The following BRWD3 variants were observed in gnomAD, a reference collection of about 807,000 sequenced individuals.
BRWD3 encodes bromodomain and WD repeat-containing protein 3.
BRWD3 carries 10 observed loss-of-function variants against 149.7 expected under a neutral mutation model. That is an observed-to-expected ratio of 0.07 (90% CI 0.04 to 0.11). The LOEUF is 0.11. BRWD3 is among the 10% of genes least tolerant of loss of function. The pLI is 1.00. For missense variants in BRWD3, 940 were observed against 1,373.2 expected (o/e 0.68, Z 4.99); for synonymous variants, 504 against 456.7 (o/e 1.10, Z -1.32).
intron 36 of BRWD3, among the ~76,000 whole-genome samples, 153 bp from the exon 37 acceptor site, chrX:80,684,315 G>T (rs992513942): frequency 1.8e-5 from 2 of 111,464 alleles, no homozygotes; most frequent in Non-Finnish European, 1.9e-5. Context: ...AACATCTTTT[G>T]GTGGCTCATA....
intron 4 of BRWD3, among the ~76,000 whole-genome samples, chrX:80,801,854 T>C (rs1345861585): frequency 9.2e-6 from 1 of 109,229 alleles, no homozygotes; most frequent in Non-Finnish European, 1.9e-5. Context: ...TAAATAAATC[T>C]CAATAATATA....
intron 22 of BRWD3, among the ~76,000 whole-genome samples, chrX:80,706,601 A>G (rs1284551978): frequency 1.8e-5 from 2 of 112,349 alleles, no homozygotes; most frequent in African/African-American, 6.5e-5. Flanking sequence ...TTCAGAGACA[A>G]AAACACATGG....
At chrX:80,742,053 T>G (rs1021107860) in intron 8 of BRWD3, among the ~76,000 whole-genome samples, 1 of 111,734 alleles carries the variant, frequency 8.9e-6, no homozygotes, top group Non-Finnish European at 1.9e-5. Flanking sequence ...GGTCTAACAT[T>G]TAAGTCTTTA....
At chrX:80,802,041 G>A (rs935712255) in intron 4 of BRWD3, among the ~76,000 whole-genome samples, 2 of 112,074 alleles carry the variant, frequency 1.8e-5, no homozygotes, top group Admixed American at 9.4e-5. Context: ...ATACATTCAT[G>A]TTTGTGTTAA....
chrX:80,726,323 A>G (rs1288578137), intron 14 of BRWD3, among the ~76,000 whole-genome samples: 2 of 102,022 alleles, frequency 2.0e-5, no homozygotes, highest in Non-Finnish European at 4.1e-5. Flanking sequence ...TGTATAACAT[A>G]TAACATGTTT....
chrX:80,696,565 A>ACAC (rs2072701104), intron 26 of BRWD3, among the ~76,000 whole-genome samples, 174 bp downstream of exon 26: 1 of 83,167 alleles, frequency 1.2e-5, no homozygotes, highest in African/African-American at 4.2e-5. Flanking sequence ...CACACACACA[A>ACAC]ATATAAATAA....
At chrX:80,703,364 A>C (rs1452390745) in intron 24 of BRWD3, 116 bp downstream of exon 24, 6 of 471,060 alleles carry the variant, frequency 1.3e-5, no homozygotes, top group Admixed American at 1.1e-4. Flanking sequence ...TGAGCAGAGC[A>C]GATAAGACAC....
chrX:80,676,474 T>C lies in BRWD3; in HGVS notation c.*135A>G, dbSNP rs2072368175. 11 of 792,572 alleles carry C rather than the reference T, an allele frequency of 1.4e-5. No individual in the cohort carries two copies. In the Admixed American group the frequency reaches 3.3e-4, roughly 24 times the overall value. 65.3% of individuals were successfully genotyped at this position (792,572 alleles called of 1,213,427 possible). A position where few individuals can be genotyped will look rare whatever the true frequency, so the allele number is the denominator to read the frequency against. Reference sequence around the variant, plus strand: ...GATCAAAAGTCTTGAAACAAATGTATACTGGCATAAATGGAAAAGCACCAA... The same window carrying C: ...GATCAAAAGTCTTGAAACAAATGTACACTGGCATAAATGGAAAAGCACCAA... On this transcript the variant is annotated 3_prime_UTR_variant, in exon 41 of 41. Transcript: ENST00000373275.
At position 80,809,052 on chromosome X, in the gene BRWD3, AG is replaced by A; in HGVS notation, c.91-11del. 8.4e-7 allele frequency: 1 copy of A among 1,187,603 alleles called. No individual in the cohort carries two copies. Among genetic ancestry groups the A allele is most frequent in the Non-Finnish European group, 1.1e-6 (1 of 882,714 alleles). On this transcript the variant is annotated splice_polypyrimidine_tract_variant and intron_variant, in intron 2 of 40. Coordinates refer to ENST00000373275, the MANE Select transcript of BRWD3 (RefSeq NM_153252.5). ...GCTCCTGCACTAGCACCTGAGCAAA[AG>A]GGAAACACAGATATGAGGAGCAGCT... is the stretch of plus-strand genomic sequence containing the variant.
intron 6 of BRWD3, among the ~76,000 whole-genome samples, chrX:80,769,241 C>A (rs1432752620): frequency 9.0e-6 from 1 of 111,502 alleles, no homozygotes; most frequent in Non-Finnish European, 1.9e-5. Flanking sequence ...AACAAGCAGA[C>A]CTAATAGACA....
intron 6 of BRWD3, among the ~76,000 whole-genome samples, chrX:80,750,854 T>TTA (rs1491401931): frequency 2.1e-5 from 1 of 47,415 alleles, no homozygotes; most frequent in African/African-American, 9.1e-5. Context: ...TCAATGTGTT[T>TTA]TATACACACA....
At chrX:80,682,119 G>C in intron 38 of BRWD3, 25 bp from the exon 39 acceptor site, 1 of 1,139,081 alleles carries the variant, frequency 8.8e-7, no homozygotes, top group Non-Finnish European at 1.2e-6. Flanking sequence ...ATGTAACAAC[G>C]AGCATTTTTT....
intron 4 of BRWD3, among the ~76,000 whole-genome samples, chrX:80,806,808 A>G (rs1416547482): frequency 1.8e-5 from 2 of 112,583 alleles, no homozygotes; most frequent in Admixed American, 1.9e-4. Context: ...TGAAGCATAA[A>G]ATGGACACTG....
chrX:80,717,542 T>A (rs777562740), intron 19 of BRWD3, 31 bp downstream of exon 19: 1 of 1,179,502 alleles, frequency 8.5e-7, no homozygotes, highest in East Asian at 3.0e-5. Context: ...AAGCTTTAAA[T>A]TTTTTTCTAA....
chrX:80,713,528 C>T (rs933569377), intron 20 of BRWD3, among the ~76,000 whole-genome samples: 4 of 109,128 alleles, frequency 3.7e-5, no homozygotes, highest in South Asian at 4.0e-4. Context: ...TCCCTAATCT[C>T]AAGTACCCAG....
chrX:80,717,110 G>A (rs2073084134), intron 19 of BRWD3: 2 of 121,600 alleles, frequency 1.6e-5, no homozygotes, highest in Admixed American at 8.4e-5. Flanking sequence ...TTACAAATAT[G>A]AATAGGGATT....
chrX:80,727,790 T>C (rs1418134160), intron 14 of BRWD3, among the ~76,000 whole-genome samples: 1 of 111,359 alleles, frequency 9.0e-6, no homozygotes, highest in Admixed American at 9.6e-5. Flanking sequence ...TCAGGAAGTT[T>C]TCTCTGAGCC....
intron 6 of BRWD3, among the ~76,000 whole-genome samples, chrX:80,785,397 TA>T (rs1304757286): frequency 8.9e-6 from 1 of 112,294 alleles, no homozygotes; most frequent in East Asian, 2.8e-4. Context: ...TCACCCTTGG[TA>T]AATGTAAGTA....
intron 21 of BRWD3, among the ~76,000 whole-genome samples, chrX:80,708,808 C>T (rs1275179227): frequency 3.8e-5 from 4 of 105,373 alleles, no homozygotes; most frequent in African/African-American, 1.4e-4. Flanking sequence ...GAGTGAGACT[C>T]CATCTCAAAA....
Sources: allele counts gnomAD v4.1 joint callset (sites outside exome capture counted in the v4.1 genomes callset), GRCh38; gene constraint gnomAD v4.1.1; transcripts MANE v1.5; gene names NCBI Gene and HGNC (gene_info 2026-07-23, HGNC 2026-07-21).